MACROD1: variants seen among roughly 807,000 people sequenced by gnomAD.
MACROD1 encodes mono-ADP ribosylhydrolase 1, also known as ADP-ribose glycohydrolase MACROD1.
Under a neutral mutation model 41.4 loss-of-function variants are expected in MACROD1, and 31 were observed. The observed-to-expected ratio is 0.75, with a 90% confidence interval of 0.56 to 1.01. The LOEUF is 1.01. Among genes scored for constraint, MACROD1 ranks in the 50% least tolerant of loss-of-function variants. The pLI is 0.00. For missense variants in MACROD1, 473 were observed against 460.0 expected (o/e 1.03, Z -0.26); for synonymous variants, 252 against 203.4 (o/e 1.24, Z -2.03).
rs147245411 is a variant in MACROD1 at position 64,088,760 on chromosome 11, G to A, written c.517+62479C>T. Among the ~76,000 whole-genome samples, 14 of 152,242 alleles carry A rather than the reference G, an allele frequency of 9.2e-5. No homozygotes were observed. In the East Asian group the frequency reaches 2.5e-3, roughly 27 times the overall value. ...AGGTCACTAAGAGCACGAGATGAAC[G>A]ACAGCAGACAGTAAGAGACTGAACA... On this transcript the variant is annotated intron_variant, in intron 3 of 10. Transcript: ENST00000255681.
At chr11:64,133,022 G>T (rs1199068950) in intron 3 of MACROD1, among the ~76,000 whole-genome samples, 1 of 152,186 alleles carries the variant, frequency 6.6e-6, no homozygotes, top group Non-Finnish European at 1.5e-5. Context: ...ACCAGGCTGA[G>T]GGTCAGTGAG....
At chr11:64,125,461 C>T (rs1945163656) in intron 3 of MACROD1, among the ~76,000 whole-genome samples, 1 of 152,340 alleles carries the variant, frequency 6.6e-6, no homozygotes, top group South Asian at 2.1e-4. Flanking sequence ...GGAACGAGGC[C>T]GCCTCCTCCT....
At chr11:64,091,926 T>C (rs1364069441) in intron 3 of MACROD1, among the ~76,000 whole-genome samples, 1 of 152,150 alleles carries the variant, frequency 6.6e-6, no homozygotes, top group Non-Finnish European at 1.5e-5. Flanking sequence ...GGCCTCTCTC[T>C]GGGGCTGCAG....
At position 63,999,004 on chromosome 11, in the gene MACROD1, CTCG is replaced by C; in HGVS notation, c.921_923del (p.Glu308del). ...GGCTCCGGTAGATGTCCTCGTCCTT[CTCG>C]AGGAACACGCAGATGATCAGCCGGT... On this transcript the variant is annotated inframe_deletion, in exon 9 of 11. Coordinates refer to ENST00000255681, the MANE Select transcript of MACROD1 (RefSeq NM_014067.4). The C allele has an allele frequency of 6.2e-7, 1 of 1,609,226 alleles. No homozygotes were observed. Among genetic ancestry groups the C allele is most frequent in the Non-Finnish European group, 8.5e-7 (1 of 1,178,448 alleles).
intron 4 of MACROD1, chr11:64,009,053 A>C (rs1942960286): frequency 6.6e-6 from 1 of 152,186 alleles, no homozygotes; most frequent in Non-Finnish European, 1.5e-5. Flanking sequence ...TTAGTGCAAA[A>C]GTGGCAGAGA....
chr11:64,014,943 A>T (rs1943060477), intron 4 of MACROD1, among the ~76,000 whole-genome samples: 1 of 152,220 alleles, frequency 6.6e-6, no homozygotes, highest in Non-Finnish European at 1.5e-5. Context: ...AAAGGGACAG[A>T]GCTGCCCAAG....
At chr11:64,156,780 C>A (rs1006962900) in intron 1 of MACROD1, among the ~76,000 whole-genome samples, 1 of 152,172 alleles carries the variant, frequency 6.6e-6, no homozygotes, top group African/African-American at 2.4e-5. Context: ...GCTGGCTGGG[C>A]GCCGACCTTG....
chr11:64,038,295 C>T (rs896649477), intron 3 of MACROD1, among the ~76,000 whole-genome samples: 2 of 152,224 alleles, frequency 1.3e-5, no homozygotes, highest in Non-Finnish European at 2.9e-5. Context: ...GGCCTGCAGC[C>T]TCCCCTCTGG....
intron 3 of MACROD1, among the ~76,000 whole-genome samples, chr11:64,143,136 G>A (rs1480826169): frequency 7.5e-6 from 1 of 132,718 alleles, no homozygotes; most frequent in Admixed American, 7.6e-5. Context: ...GGGAGGGTGG[G>A]AGGGAGGGAG....
At chr11:64,046,801 G>T (rs1943592925) in intron 3 of MACROD1, among the ~76,000 whole-genome samples, 1 of 152,084 alleles carries the variant, frequency 6.6e-6, no homozygotes, top group Admixed American at 6.5e-5. Flanking sequence ...GCCTGGCCTG[G>T]CCCGTTCTTT....
intron 3 of MACROD1, among the ~76,000 whole-genome samples, chr11:64,078,787 G>A (rs928848582): frequency 6.6e-6 from 1 of 152,092 alleles, no homozygotes; most frequent in African/African-American, 2.4e-5. Flanking sequence ...GTGACTGCAG[G>A]GGGGGAGGCC....
chr11:64,015,313 G>A (rs1187364275), intron 3 of MACROD1, 32 bp from the exon 4 acceptor site: 1 of 1,597,514 alleles, frequency 6.3e-7, no homozygotes, highest in Non-Finnish European at 8.5e-7. Context: ...GCAGATCAGT[G>A]GGGAAGGGGC....
intron 1 of MACROD1, among the ~76,000 whole-genome samples, chr11:64,160,814 TAA>T (rs34275911): frequency 2.3e-4 from 25 of 111,034 alleles, no homozygotes; most frequent in South Asian, 3.0e-4. Flanking sequence ...AGACCATATC[TAA>T]AAAAAAAAAA....
intron 3 of MACROD1, among the ~76,000 whole-genome samples, chr11:64,029,542 C>T (rs572483314): frequency 6.6e-5 from 10 of 152,212 alleles, no homozygotes; most frequent in African/African-American, 1.9e-4. Flanking sequence ...CTCACTGTCC[C>T]GGGGGTCCAG....
chr11:64,116,624 T>C, intron 3 of MACROD1: 1 of 1,614,198 alleles, frequency 6.2e-7, no homozygotes. Context: ...ATGACCTGGA[T>C]GAGTTCCCCA....
At chr11:64,053,088 C>T (rs564924746) in intron 3 of MACROD1, among the ~76,000 whole-genome samples, 15 of 152,210 alleles carry the variant, frequency 9.9e-5, no homozygotes, top group South Asian at 2.1e-4. Context: ...CCCTCCAGCA[C>T]GCTGGGCCTG....
intron 3 of MACROD1, among the ~76,000 whole-genome samples, chr11:64,057,295 G>T (rs1943805175): frequency 6.6e-6 from 1 of 152,224 alleles, no homozygotes; most frequent in Non-Finnish European, 1.5e-5. Flanking sequence ...AGCAGGTGGG[G>T]TCCCTCTGCT....
chr11:64,010,651 G>A (rs1942995575), intron 4 of MACROD1, among the ~76,000 whole-genome samples: 2 of 151,004 alleles, frequency 1.3e-5, no homozygotes, highest in Admixed American at 1.3e-4. Context: ...TGTTTGGGGT[G>A]TTAGTTGGGG....
At chr11:64,070,892 T>C (rs923496774) in intron 3 of MACROD1, among the ~76,000 whole-genome samples, 1 of 152,102 alleles carries the variant, frequency 6.6e-6, no homozygotes, top group African/African-American at 2.4e-5. Context: ...TCTGGGACAC[T>C]TGGGGAAGGG....
Sources: gnomAD v4.1 joint callset for allele counts (sites outside exome capture counted in the v4.1 genomes callset) on GRCh38, gnomAD v4.1.1 for gene constraint, MANE v1.5 for transcripts, NCBI Gene and HGNC (gene_info 2026-07-23, HGNC 2026-07-21) for gene names.